The following USP45 variants were observed in gnomAD, a reference collection of about 807,000 sequenced individuals.
The protein encoded by USP45 is ubiquitin carboxyl-terminal hydrolase 45.
A neutral mutation model predicts 95.8 loss-of-function variants in USP45; 89 were observed. That is an observed-to-expected ratio of 0.93 (90% CI 0.78 to 1.11). The LOEUF (loss-of-function observed/expected upper bound fraction) is 1.11, where lower values mean the gene tolerates loss of function less well. USP45 is among the 50% of genes least tolerant of loss of function. USP45 has a pLI of 0.00. For synonymous variants in USP45, 281 were observed against 316.2 expected (o/e 0.89, Z 1.18); for missense variants, 898 against 942.5 (o/e 0.95, Z 0.62).
chr6:99,461,470 C>T lies in USP45; in HGVS notation c.1308+3134G>A, dbSNP rs141469690. On this transcript the variant is annotated intron_variant, in intron 13 of 17. Coordinates refer to ENST00000500704, the MANE Select transcript of USP45 (RefSeq NM_001346022.3). The stretch of plus-strand genomic sequence containing the variant: ...TGTTACTATTTTTTCTGTATTTAGG[C>T]CAGAAATTGCACACACTAGTTTTAC... 402 of 985,284 alleles carry T rather than the reference C, an allele frequency of 4.1e-4. No homozygotes were observed. In the African/African-American group the frequency reaches 6.6e-3, roughly 16 times the overall value. The allele number at this position is 985,284 out of a possible 1,614,324, so 61.0% of individuals were successfully genotyped here. A position where few individuals can be genotyped will look rare whatever the true frequency, so the allele number is the denominator to read the frequency against.
chr6:99,499,837 T>C (rs1232243368), intron 5 of USP45, among the ~76,000 whole-genome samples: 1 of 152,238 alleles, frequency 6.6e-6, no homozygotes, highest in African/African-American at 2.4e-5. Context: ...TTCCTACAAC[T>C]GAACATTATA....
intron 14 of USP45, 39 bp downstream of exon 14, chr6:99,445,758 T>C: frequency 1.4e-6 from 2 of 1,405,886 alleles, no homozygotes; most frequent in Non-Finnish European, 9.5e-7. Flanking sequence ...CTAGACACTA[T>C]CAGGAGATCA....
At chr6:99,473,338 G>A (rs1372213343) in intron 9 of USP45, among the ~76,000 whole-genome samples, 1 of 151,200 alleles carries the variant, frequency 6.6e-6, no homozygotes, top group Non-Finnish European at 1.5e-5. Flanking sequence ...TCCGGAGTTC[G>A]AAACAAGCCT....
chr6:99,463,523 G>A (rs894221888), intron 13 of USP45, among the ~76,000 whole-genome samples: 2 of 152,110 alleles, frequency 1.3e-5, no homozygotes, highest in Admixed American at 1.3e-4. Context: ...GAAAAAGAGG[G>A]AGAGGGAATC....
upstream of USP45, chr6:99,515,541 G>A (rs980156503): frequency 1.3e-5 from 2 of 152,268 alleles, no homozygotes; most frequent in Admixed American, 6.5e-5. Flanking sequence ...GGAGCGCGGG[G>A]AGGGGTGAAA....
chr6:99,517,370 G>A (rs922696093), upstream of USP45, among the ~76,000 whole-genome samples: 3 of 151,762 alleles, frequency 2.0e-5, no homozygotes, highest in Non-Finnish European at 4.4e-5. Context: ...GGAAATATGG[G>A]GAATCTTTGT....
chr6:99,466,006 A>G (rs1787858060), intron 11 of USP45, among the ~76,000 whole-genome samples: 1 of 151,932 alleles, frequency 6.6e-6, no homozygotes, highest in Non-Finnish European at 1.5e-5. Context: ...ACATTAAGTT[A>G]TTTCTATTGG....
chr6:99,448,378 G>A (rs1276769525), intron 13 of USP45, among the ~76,000 whole-genome samples: 2 of 152,212 alleles, frequency 1.3e-5, no homozygotes, highest in Non-Finnish European at 2.9e-5. Context: ...CATGACAGGA[G>A]AACTACGTGA....
rs1254278049 is a variant in USP45 at position 99,446,417 on chromosome 6, C to T, written c.1355G>A (p.Gly452Glu). The T allele has an allele frequency of 1.2e-6, 2 of 1,613,972 alleles. No individual in the cohort carries two copies. The highest frequency in any genetic ancestry group is 1.3e-5 in the African/African-American group (1 of 75,016). ...ATTTTTCTGGTATGTGACAGTTTCT[C>T]CAGATGACAATTTTCTAATACATTT... ...DRKCIRKLSS[G>E]ETVTYQKNEN... The change falls in exon 14 of 18, where the codon GGA becomes GAA. Residue 452 changes from glycine (G) to glutamate (E), a missense_variant. By Grantham distance (98) the Gly-to-Glu change is moderately conservative. Coordinates refer to ENST00000500704, the MANE Select transcript of USP45 (RefSeq NM_001346022.3).
intron 13 of USP45, chr6:99,462,438 G>C: frequency 2.0e-6 from 2 of 983,046 alleles, no homozygotes; most frequent in Non-Finnish European, 2.4e-6. Context: ...TAAAAATAAA[G>C]AAAAAAAATC....
intron 13 of USP45, among the ~76,000 whole-genome samples, chr6:99,452,786 A>G (rs1020680000): frequency 2.0e-5 from 3 of 152,252 alleles, no homozygotes; most frequent in Non-Finnish European, 4.4e-5. Context: ...CCAAATGTCC[A>G]TCAATGATAG....
intron 13 of USP45, chr6:99,462,358 C>G: frequency 1.2e-5 from 12 of 984,794 alleles, no homozygotes; most frequent in Non-Finnish European, 1.4e-5. Context: ...TTCTCTCATA[C>G]ATTTGGATAG....
At chr6:99,503,536 T>C (rs1397751197) in intron 5 of USP45, among the ~76,000 whole-genome samples, 2 of 152,148 alleles carry the variant, frequency 1.3e-5, no homozygotes, top group Non-Finnish European at 2.9e-5. Context: ...TTCACCATGT[T>C]GGCCAGGCTG....
chr6:99,488,078 A>C lies in USP45; in HGVS notation c.714+122T>G, dbSNP rs530949445. 18 of 649,618 alleles carry C rather than the reference A, an allele frequency of 2.8e-5. No homozygotes were observed. The East Asian group carries it at 3.9e-4, about 14-fold the overall frequency. 40.2% of individuals were successfully genotyped at this position (649,618 alleles called of 1,614,324 possible). ...CTGATTATTTTCACAGAATGCTTTT[A>C]AATTATTTTTAAGCCCCCTGGCTAC... On this transcript the variant is annotated intron_variant, in intron 7 of 17. Transcript: ENST00000500704.
At chr6:99,500,026 G>C (rs1170279530) in intron 5 of USP45, among the ~76,000 whole-genome samples, 1 of 152,108 alleles carries the variant, frequency 6.6e-6, no homozygotes, top group African/African-American at 2.4e-5. Flanking sequence ...AAGTACTAAG[G>C]AAAAATGAGG....
intron 16 of USP45, among the ~76,000 whole-genome samples, chr6:99,438,762 T>G (rs1477730249): frequency 6.6e-6 from 1 of 152,144 alleles, no homozygotes; most frequent in African/African-American, 2.4e-5. Context: ...ATTCCTGATG[T>G]TTGCTTCAAA....
upstream of USP45, among the ~76,000 whole-genome samples, chr6:99,515,768 C>CT (rs1491202916): frequency 1.3e-4 from 12 of 90,338 alleles, no homozygotes; most frequent in African/African-American, 6.8e-4. Context: ...CTCCTCTGAA[C>CT]TCTTTTTTTT....
At position 99,437,206 on chromosome 6, in the gene USP45, CGTTT is replaced by C. The variant is rs754952530; in HGVS notation, c.2314+36_2314+39del. 1.9e-6 allele frequency: 3 copies of C among 1,563,246 alleles called. No homozygotes were observed. The South Asian group carries it at 3.6e-5, about 19-fold the overall frequency. On this transcript the variant is annotated intron_variant, in intron 17 of 17. Transcript: ENST00000500704. ...TCTCCCAGAAAAGGAAGCACATATT[CGTTT>C]GTTTTTAAGAATAAAATAAACTTAG...
chr6:99,445,339 T>C lies in USP45; in HGVS notation c.1975+458A>G, dbSNP rs551768665. Among the ~76,000 whole-genome samples, 7 of 152,004 alleles carry C rather than the reference T, an allele frequency of 4.6e-5. No individual in the cohort carries two copies. In the East Asian group the frequency reaches 7.7e-4, roughly 17 times the overall value. ...CTCTACTAAAAATACAAAAATTAGC[T>C]GGGCATGGTGGTGGGCGCCTGTAAT... On this transcript the variant is annotated intron_variant, in intron 14 of 17. Coordinates refer to ENST00000500704, the MANE Select transcript of USP45 (RefSeq NM_001346022.3).
Sources: allele counts gnomAD v4.1 joint callset (sites outside exome capture counted in the v4.1 genomes callset), GRCh38; gene constraint gnomAD v4.1.1; transcripts MANE v1.5; gene names NCBI Gene and HGNC (gene_info 2026-07-23, HGNC 2026-07-21).